ADK: variants seen among roughly 807,000 people sequenced by gnomAD.
The protein encoded by ADK is adenosine kinase.
A neutral mutation model predicts 44.7 loss-of-function variants in ADK; 24 were observed. That is an observed-to-expected ratio of 0.54 (90% CI 0.39 to 0.76). ADK has a LOEUF of 0.76. Ranked by LOEUF, ADK falls within the 30% of genes least tolerant of loss-of-function variation. ADK has a pLI of 0.00. For missense variants in ADK, 321 were observed against 425.1 expected, an observed-to-expected ratio of 0.76 and a Z score of 2.15; for synonymous variants, 128 against 142.6, an observed-to-expected ratio of 0.90 and a Z score of 0.73.
chr10:74,398,640 T>A, intron 6 of ADK, 61 bp downstream of exon 6: 1 of 905,216 alleles, frequency 1.1e-6, no homozygotes, highest in Non-Finnish European at 1.7e-6. Flanking sequence ...ATAGTTGTTG[T>A]CTGATATATA....
chr10:74,658,897 C>CAT (rs1444181156), intron 9 of ADK, among the ~76,000 whole-genome samples: 1 of 151,752 alleles, frequency 6.6e-6, no homozygotes, highest in Non-Finnish European at 1.5e-5. Flanking sequence ...CACACACACA[C>CAT]ATATATACAC....
At position 74,574,573 on chromosome 10, in the gene ADK, A is replaced by G. The variant is rs185089983; in HGVS notation, c.727-14709A>G. ...TACCAGTAATGTCTGGACTGCATACATCGTTGAAAATACAACTGTAATTAA... is the reference window on the plus strand; with the variant it reads ...TACCAGTAATGTCTGGACTGCATACGTCGTTGAAAATACAACTGTAATTAA... On this transcript the variant is annotated intron_variant, in intron 7 of 10. Transcript: ENST00000539909. Among the ~76,000 whole-genome samples, 314 of 152,354 alleles carry G rather than the reference A, an allele frequency of 2.1e-3. 1 individual carries two copies. The highest frequency in any genetic ancestry group is 7.2e-3 in the African/African-American group (299 of 41,578).
At chr10:74,232,116 TTTAA>T (rs1359402826) in intron 3 of ADK, among the ~76,000 whole-genome samples, 1 of 152,198 alleles carries the variant, frequency 6.6e-6, no homozygotes, top group Non-Finnish European at 1.5e-5. Flanking sequence ...TTGCTGAACT[TTTAA>T]TTGTGATCTT....
chr10:74,197,658 A>C (rs1196776535), intron 1 of ADK, among the ~76,000 whole-genome samples: 1 of 150,646 alleles, frequency 6.6e-6, no homozygotes, highest in Admixed American at 6.7e-5. Context: ...AGATCATGCC[A>C]TTGCACTCCA....
intron 9 of ADK, among the ~76,000 whole-genome samples, chr10:74,628,094 C>G (rs981025010): frequency 6.6e-6 from 1 of 152,162 alleles, no homozygotes; most frequent in Admixed American, 6.5e-5. Context: ...TGTAAACCAT[C>G]TATACATAGA....
At chr10:74,449,409 G>A (rs11595136) in intron 6 of ADK, among the ~76,000 whole-genome samples, 188 of 152,132 alleles carry the variant, frequency 1.2e-3, no homozygotes, top group Non-Finnish European at 1.8e-3. Flanking sequence ...ATTGGAATTT[G>A]ATTGAATAAC....
At chr10:74,185,574 T>C (rs1364880571) in intron 1 of ADK, among the ~76,000 whole-genome samples, 1 of 150,086 alleles carries the variant, frequency 6.7e-6, no homozygotes, top group East Asian at 2.0e-4. Context: ...GGCTCACGCC[T>C]GTAATCCCAG....
chr10:74,557,381 A>G (rs1850295719), intron 7 of ADK, among the ~76,000 whole-genome samples: 1 of 152,202 alleles, frequency 6.6e-6, no homozygotes, highest in Admixed American at 6.5e-5. Context: ...TTCTGTGTCT[A>G]TATAATTTGC....
At chr10:74,576,286 A>G (rs1214609003) in intron 7 of ADK, among the ~76,000 whole-genome samples, 1 of 152,096 alleles carries the variant, frequency 6.6e-6, no homozygotes, top group Non-Finnish European at 1.5e-5. Context: ...CTCATTTTTC[A>G]TGTATTAAAT....
chr10:74,600,179 G>A (rs558803643), intron 8 of ADK, among the ~76,000 whole-genome samples, 200 bp from the exon 9 acceptor site: 1 of 152,058 alleles, frequency 6.6e-6, no homozygotes, highest in East Asian at 1.9e-4. Flanking sequence ...TTTTAAATTT[G>A]TGTAGATCAT....
intron 4 of ADK, among the ~76,000 whole-genome samples, chr10:74,337,510 A>G (rs1841446640): frequency 6.6e-6 from 1 of 152,214 alleles, no homozygotes; most frequent in Admixed American, 6.5e-5. Context: ...CTGTACAGAC[A>G]CTGACATTAT....
At chr10:74,228,485 C>T (rs1441603027) in intron 3 of ADK, among the ~76,000 whole-genome samples, 1 of 152,024 alleles carries the variant, frequency 6.6e-6, no homozygotes, top group Non-Finnish European at 1.5e-5. Flanking sequence ...AGGAAAACAT[C>T]ACTATTTTAC....
chr10:74,335,698 T>C (rs1289206490), intron 4 of ADK, among the ~76,000 whole-genome samples: 2 of 152,222 alleles, frequency 1.3e-5, no homozygotes, highest in African/African-American at 2.4e-5. Flanking sequence ...CTTTCAGCAC[T>C]TGATATTGTC....
At chr10:74,270,012 A>C (rs1846365130) in intron 3 of ADK, among the ~76,000 whole-genome samples, 1 of 152,200 alleles carries the variant, frequency 6.6e-6, no homozygotes, top group African/African-American at 2.4e-5. Flanking sequence ...AAATAAATAA[A>C]TAAATAAAAG....
intron 3 of ADK, among the ~76,000 whole-genome samples, chr10:74,228,854 A>G (rs898884310): frequency 3.9e-5 from 6 of 152,212 alleles, no homozygotes; most frequent in Admixed American, 6.5e-5. Context: ...AGAAGTATCC[A>G]TACTACTTAA....
intron 7 of ADK, among the ~76,000 whole-genome samples, chr10:74,532,177 G>T (rs374106511): frequency 6.6e-6 from 1 of 152,128 alleles, no homozygotes; most frequent in African/African-American, 2.4e-5. Flanking sequence ...AAAAGCTTTT[G>T]AAAAATCCAG....
intron 10 of ADK, among the ~76,000 whole-genome samples, chr10:74,694,264 G>T (rs1041308826): frequency 6.9e-6 from 1 of 144,256 alleles, no homozygotes. Flanking sequence ...TATAAAGTCA[G>T]GATCAGGCCA....
intron 9 of ADK, among the ~76,000 whole-genome samples, chr10:74,663,248 A>AT (rs375366309): frequency 1.0e-3 from 147 of 140,848 alleles, no homozygotes; most frequent in South Asian, 6.1e-3. Context: ...AAAAAAAAAT[A>AT]ATATATATAT....
rs1192462950 is a variant in ADK at position 74,290,858 on chromosome 10, A to G, written c.195-23809A>G. Among the ~76,000 whole-genome samples, 5 of 152,196 alleles carry G rather than the reference A, an allele frequency of 3.3e-5. No individual in the cohort carries two copies. In the South Asian group the frequency reaches 1.0e-3, roughly 32 times the overall value. On this transcript the variant is annotated intron_variant, in intron 3 of 10. Transcript: ENST00000539909. ...GACACTGAATTTTCTAATCTTGTGG[A>G]AGAGGTTATATTTAGCCATTGGTAT...
Sources: allele counts gnomAD v4.1 joint callset (sites outside exome capture counted in the v4.1 genomes callset), GRCh38; gene constraint gnomAD v4.1.1; transcripts MANE v1.5; gene names NCBI Gene and HGNC (gene_info 2026-07-23, HGNC 2026-07-21).